NUDCD1: variants seen among roughly 807,000 people sequenced by gnomAD.
NUDCD1 encodes NudC domain containing 1, also known as nudC domain-containing protein 1.
NUDCD1 carries 60 observed loss-of-function variants against 67.8 expected under a neutral mutation model. The observed-to-expected ratio is 0.88, with a 90% CI of 0.72 to 1.10. The LOEUF is 1.10. NUDCD1 is among the 50% of genes least tolerant of loss of function. The pLI, the probability that NUDCD1 is intolerant of heterozygous loss-of-function variation, is 0.00. For synonymous variants in NUDCD1, 244 were observed against 230.8 expected, an observed-to-expected ratio of 1.06 and a Z score of -0.52; for missense variants, 643 against 695.0, an observed-to-expected ratio of 0.93 and a Z score of 0.84.
intron 2 of NUDCD1, among the ~76,000 whole-genome samples, chr8:109,318,937 G>C (rs866627298): frequency 1.3e-5 from 2 of 149,690 alleles, no homozygotes; most frequent in African/African-American, 4.9e-5. Flanking sequence ...TAGTCCACAG[G>C]CCAATTCCTG....
At chr8:109,287,132 A>G (rs542654806) in intron 5 of NUDCD1, among the ~76,000 whole-genome samples, 1 of 152,266 alleles carries the variant, frequency 6.6e-6, no homozygotes, top group African/African-American at 2.4e-5. Context: ...AAAGTCAAAA[A>G]ACAACACATG....
intron 1 of NUDCD1, among the ~76,000 whole-genome samples, chr8:109,328,359 T>A (rs1384791188): frequency 6.6e-6 from 1 of 152,160 alleles, no homozygotes; most frequent in Non-Finnish European, 1.5e-5. Flanking sequence ...TATGCAGAGT[T>A]GACTTCAACC....
chr8:109,248,714 GAAAAAAAA>G (rs78072773), intron 8 of NUDCD1, among the ~76,000 whole-genome samples: 4 of 99,990 alleles, frequency 4.0e-5, no homozygotes, highest in Non-Finnish European at 8.2e-5. Context: ...CCACTGTTTG[GAAAAAAAA>G]AAAAAAAAAA....
intron 7 of NUDCD1, among the ~76,000 whole-genome samples, chr8:109,273,278 G>A (rs1012864929): frequency 6.6e-6 from 1 of 152,042 alleles, no homozygotes; most frequent in African/African-American, 2.4e-5. Flanking sequence ...TTTCAGTTGA[G>A]ATAAATGAAA....
Position 109,271,102 on chromosome 8 carries a change from G to A in NUDCD1, c.1202C>T (p.Pro401Leu). ...TTCTTCTAACTCTTGAGCATTGCAA[G>A]GTGGTTTTTCTTTATCTGGATTTGG... Reference protein sequence around the residue: ...LNPNPDKEKPPCNAQELEECD... With the variant: ...LNPNPDKEKPLCNAQELEECD... The change falls in exon 8 of 10, where the codon CCT becomes CTT. Residue 401 changes from proline (P) to leucine (L), a missense_variant. Transcript: ENST00000239690. The A allele has an allele frequency of 6.3e-7, 1 of 1,578,510 alleles. No individual in the cohort carries two copies. The highest frequency in any genetic ancestry group is 8.6e-7 in the Non-Finnish European group (1 of 1,158,562).
At chr8:109,277,281 TAACTATTAAAG>T (rs962205831) in intron 6 of NUDCD1, among the ~76,000 whole-genome samples, 8 of 152,178 alleles carry the variant, frequency 5.3e-5, no homozygotes, top group African/African-American at 1.9e-4. Context: ...TATATGTAAA[TAACTATTAAAG>T]AACACTTACC....
intron 2 of NUDCD1, among the ~76,000 whole-genome samples, chr8:109,310,764 A>C (rs1815224712): frequency 1.3e-5 from 2 of 152,142 alleles, no homozygotes. Context: ...GCAAGGAAAA[A>C]AAACAATCCC....
chr8:109,276,833 T>G (rs995438501), intron 6 of NUDCD1, among the ~76,000 whole-genome samples: 2 of 152,214 alleles, frequency 1.3e-5, no homozygotes, highest in African/African-American at 4.8e-5. Context: ...TGGCTAATAT[T>G]TGTATTTTTA....
chr8:109,287,753 A>G (rs1330741450), intron 5 of NUDCD1, among the ~76,000 whole-genome samples: 1 of 152,160 alleles, frequency 6.6e-6, no homozygotes. Context: ...GTAAAAGAAC[A>G]TTGACATGTA....
At chr8:109,325,633 C>T (rs113883025) in intron 1 of NUDCD1, among the ~76,000 whole-genome samples, 2,095 of 152,194 alleles carry the variant, frequency 0.014, 53 homozygotes, top group African/African-American at 0.048. Flanking sequence ...CCACACTGGC[C>T]GAAATGCAGA....
At chr8:109,316,280 A>G (rs1436089048) in intron 2 of NUDCD1, 1 of 152,202 alleles carries the variant, frequency 6.6e-6, no homozygotes, top group African/African-American at 2.4e-5. Flanking sequence ...CTGTAAACCT[A>G]CAAGTTAAAC....
At chr8:109,315,458 A>G (rs1191575497) in intron 2 of NUDCD1, 2 of 152,178 alleles carry the variant, frequency 1.3e-5, no homozygotes, top group South Asian at 2.1e-4. Context: ...CCCCACCTAC[A>G]GCCCAGATGA....
chr8:109,313,765 A>C (rs151319412), intron 2 of NUDCD1: 1 of 530,646 alleles, frequency 1.9e-6, no homozygotes, highest in African/African-American at 1.9e-5. Context: ...ATACACAATT[A>C]TGAGCATTTT....
intron 8 of NUDCD1, among the ~76,000 whole-genome samples, chr8:109,269,115 A>G (rs971627776): frequency 6.6e-6 from 1 of 152,198 alleles, no homozygotes; most frequent in Admixed American, 6.5e-5. Context: ...ACTGTCACTA[A>G]AAGATAATTC....
chr8:109,322,800 C>T (rs1815572830), intron 1 of NUDCD1, among the ~76,000 whole-genome samples: 1 of 151,982 alleles, frequency 6.6e-6, no homozygotes, highest in African/African-American at 2.4e-5. Context: ...CTACCATTTC[C>T]AGGAAAATGT....
At chr8:109,325,676 A>G (rs907422789) in intron 1 of NUDCD1, among the ~76,000 whole-genome samples, 1 of 152,252 alleles carries the variant, frequency 6.6e-6, no homozygotes, top group Non-Finnish European at 1.5e-5. Context: ...AAAGGTTGCA[A>G]TAAATGAAAA....
intron 8 of NUDCD1, among the ~76,000 whole-genome samples, chr8:109,269,230 A>G (rs1174756158): frequency 1.3e-5 from 2 of 152,228 alleles, no homozygotes; most frequent in Admixed American, 1.3e-4. Context: ...CTGGTGTTAA[A>G]GTGTGGTGAA....
chr8:109,297,892 A>G (rs954388716), intron 2 of NUDCD1, among the ~76,000 whole-genome samples: 8 of 152,202 alleles, frequency 5.3e-5, no homozygotes, highest in African/African-American at 1.9e-4. Context: ...AAGTTTTTCT[A>G]TAGGAGAAAA....
At chr8:109,253,135 GT>G (rs891267230) in intron 8 of NUDCD1, among the ~76,000 whole-genome samples, 1 of 152,184 alleles carries the variant, frequency 6.6e-6, no homozygotes, top group Non-Finnish European at 1.5e-5. Context: ...TTATGATGAA[GT>G]GTTTTCTCGA....
Sources: allele counts gnomAD v4.1 joint callset (sites outside exome capture counted in the v4.1 genomes callset), GRCh38; gene constraint gnomAD v4.1.1; transcripts MANE v1.5; gene names NCBI Gene and HGNC (gene_info 2026-07-23, HGNC 2026-07-21).